RBFOX1: variants seen among roughly 807,000 people sequenced by gnomAD.
RBFOX1 encodes the protein RNA binding protein fox-1 homolog 1.
In RBFOX1, 8 loss-of-function variants were observed where a neutral mutation model predicts 57.7. The observed-to-expected ratio is 0.14, with a 90% CI of 0.08 to 0.25. The LOEUF (loss-of-function observed/expected upper bound fraction) is 0.25, where lower values mean the gene tolerates loss of function less well. Ranked by LOEUF, RBFOX1 falls within the 10% of genes least tolerant of loss-of-function variation. The probability of loss-of-function intolerance (pLI) is 1.00; values close to 1 mark genes in which losing one functional copy is unlikely to be tolerated. For missense variants in RBFOX1, 611 were observed against 548.5 expected (o/e 1.11, Z -1.14); for synonymous variants, 326 against 222.4 (o/e 1.47, Z -4.15).
intron 7 of RBFOX1, among the ~76,000 whole-genome samples, chr16:7,595,082 G>A (rs1290406608): frequency 2.6e-5 from 4 of 152,226 alleles, no homozygotes; most frequent in South Asian, 2.1e-4. Flanking sequence ...AAAACCACAC[G>A]GCATGACTCT....
intron 3 of RBFOX1, among the ~76,000 whole-genome samples, chr16:6,956,816 C>G (rs565152877): frequency 2.6e-5 from 4 of 152,232 alleles, no homozygotes; most frequent in Admixed American, 2.6e-4. Context: ...CAGAGAGCAG[C>G]TGGGGCTGGA....
intron 3 of RBFOX1, among the ~76,000 whole-genome samples, chr16:6,763,569 A>G (rs1301895655): frequency 2.6e-5 from 4 of 152,194 alleles, no homozygotes; most frequent in African/African-American, 7.2e-5. Context: ...TTATTTCTTA[A>G]TAAGCTATCA....
At chr16:7,580,278 C>G (rs1462583021) in intron 6 of RBFOX1, among the ~76,000 whole-genome samples, 1 of 152,160 alleles carries the variant, frequency 6.6e-6, no homozygotes, top group African/African-American at 2.4e-5. Flanking sequence ...ATCGAGTCCT[C>G]TTGGTTTTGC....
At chr16:5,523,115 A>T (rs1174526839) in intron 2 of RBFOX1, among the ~76,000 whole-genome samples, 1 of 152,064 alleles carries the variant, frequency 6.6e-6, no homozygotes, top group African/African-American at 2.4e-5. Flanking sequence ...GTGCAATCCC[A>T]TGTCTACTGA....
Position 7,283,539 on chromosome 16 carries a change from G to T in RBFOX1, c.27+231441G>T, listed in dbSNP as rs562825649. On this transcript the variant is annotated intron_variant, in intron 4 of 15. Transcript: ENST00000550418. ...CACTTCCATAACACCTCCCCTCTGT[G>T]TTGGCCAGGGAAACACCCTTGACAT... is the stretch of plus-strand genomic sequence containing the variant. Among the ~76,000 whole-genome samples, 3 of 152,140 alleles carry T rather than the reference G, an allele frequency of 2.0e-5. No individual in the cohort carries two copies. The South Asian group carries it at 6.2e-4, about 32-fold the overall frequency.
At chr16:7,705,048 G>GAAA (rs36086189) in intron 14 of RBFOX1, among the ~76,000 whole-genome samples, 2 of 129,834 alleles carry the variant, frequency 1.5e-5, no homozygotes, top group Non-Finnish European at 3.3e-5. Context: ...TGTCTCAAAA[G>GAAA]AAAAAAAAAA....
chr16:7,283,220 C>G (rs866874470), intron 4 of RBFOX1, among the ~76,000 whole-genome samples: 3 of 151,780 alleles, frequency 2.0e-5, no homozygotes, highest in Non-Finnish European at 4.4e-5. Flanking sequence ...CTTTGTGTGC[C>G]TCTCTCTGCT....
chr16:6,118,797 C>T (rs534325288), intron 1 of RBFOX1, among the ~76,000 whole-genome samples: 4 of 140,868 alleles, frequency 2.8e-5, no homozygotes, highest in Admixed American at 6.8e-5. Flanking sequence ...TTCTCTCTCT[C>T]CTTCCTTCCT....
At chr16:6,761,608 A>G (rs1213910682) in intron 3 of RBFOX1, among the ~76,000 whole-genome samples, 2 of 142,644 alleles carry the variant, frequency 1.4e-5, no homozygotes, top group East Asian at 4.3e-4. Flanking sequence ...CCCAGATTCA[A>G]GCAGTTCTCT....
intron 3 of RBFOX1, among the ~76,000 whole-genome samples, chr16:6,776,874 T>G (rs2079463336): frequency 1.3e-5 from 2 of 152,242 alleles, no homozygotes; most frequent in Admixed American, 6.5e-5. Context: ...GAACATGGCA[T>G]GTGGCACATT....
At chr16:7,180,033 G>A (rs1401793407) in intron 4 of RBFOX1, among the ~76,000 whole-genome samples, 1 of 151,982 alleles carries the variant, frequency 6.6e-6, no homozygotes, top group Non-Finnish European at 1.5e-5. Context: ...TTGAGCCACT[G>A]AGTCCAGACC....
chr16:5,832,356 G>T (rs775820884), intron 3 of RBFOX1, among the ~76,000 whole-genome samples: 1 of 152,210 alleles, frequency 6.6e-6, no homozygotes, highest in African/African-American at 2.4e-5. Context: ...GCTGAGGTAG[G>T]CAGGGAAGAA....
At chr16:7,400,038 C>G (rs1597459322) in intron 4 of RBFOX1, among the ~76,000 whole-genome samples, 1 of 152,114 alleles carries the variant, frequency 6.6e-6, no homozygotes, top group East Asian at 1.9e-4. Flanking sequence ...ATGGCCTTCT[C>G]TGATTTATTG....
intron 10 of RBFOX1, among the ~76,000 whole-genome samples, chr16:7,629,084 C>T (rs944328566): frequency 2.6e-5 from 4 of 152,128 alleles, no homozygotes; most frequent in African/African-American, 9.7e-5. Context: ...GGCTGTTCTC[C>T]AGCTATAAGC....
At chr16:5,365,628 A>G (rs1189292084) in intron 1 of RBFOX1, among the ~76,000 whole-genome samples, 1 of 152,166 alleles carries the variant, frequency 6.6e-6, no homozygotes, top group African/African-American at 2.4e-5. Flanking sequence ...GATATCGTGC[A>G]CTGTACTCCA....
intron 4 of RBFOX1, among the ~76,000 whole-genome samples, chr16:7,238,220 A>C (rs1333934006): frequency 6.6e-6 from 1 of 152,222 alleles, no homozygotes; most frequent in Non-Finnish European, 1.5e-5. Flanking sequence ...TAATTGGTAC[A>C]GAGTTTCAGT....
At chr16:6,555,740 A>G (rs2097089149) in intron 2 of RBFOX1, among the ~76,000 whole-genome samples, 1 of 152,066 alleles carries the variant, frequency 6.6e-6, no homozygotes, top group Admixed American at 6.5e-5. Context: ...AAAAGATATC[A>G]TTCCATCTAT....
intron 2 of RBFOX1, among the ~76,000 whole-genome samples, chr16:6,541,054 C>G (rs1158121812): frequency 6.6e-6 from 1 of 152,142 alleles, no homozygotes; most frequent in Non-Finnish European, 1.5e-5. Flanking sequence ...TAGGATAATG[C>G]TACTTTTAGA....
rs150237518 is a variant in RBFOX1 at position 7,036,585 on chromosome 16, C to T, written c.-15-15472C>T. The stretch of plus-strand genomic sequence containing the variant: ...GCGGCTGCCCATAATCCCAACTATT[C>T]GGGAGGCTGAGGCTGGAGAATCGCT... On this transcript the variant is annotated intron_variant, in intron 3 of 15. Coordinates refer to ENST00000550418, the MANE Select transcript of RBFOX1 (RefSeq NM_018723.4). Among the ~76,000 whole-genome samples the T allele has an allele frequency of 1.1e-4, 17 of 151,910 alleles. No homozygotes were observed. In the East Asian group the frequency reaches 3.1e-3, roughly 28 times the overall value.
Sources: allele counts gnomAD v4.1 joint callset (sites outside exome capture counted in the v4.1 genomes callset), GRCh38; gene constraint gnomAD v4.1.1; transcripts MANE v1.5; gene names NCBI Gene and HGNC (gene_info 2026-07-23, HGNC 2026-07-21).